Variants in QTMAN observed in about 807,000 individuals in gnomAD.
QTMAN encodes queuosine-tRNA mannosyltransferase.
the QTMAN span, chr2:144,007,536 C>A: frequency 6.5e-7 from 1 of 1,538,234 alleles, no homozygotes; most frequent in South Asian, 1.3e-5. Context: ...GGGCATGAAT[C>A]TGTTACAAAA....
the QTMAN span, among the ~76,000 whole-genome samples, chr2:144,326,704 C>T: frequency 1.3e-5 from 2 of 151,448 alleles, no homozygotes; most frequent in South Asian, 4.2e-4. Context: ...ACACTGATAA[C>T]AGAACTTATT....
the QTMAN span, among the ~76,000 whole-genome samples, chr2:144,296,907 T>C: frequency 6.6e-6 from 1 of 152,172 alleles, no homozygotes; most frequent in African/African-American, 2.4e-5. Context: ...GAGTATAAAC[T>C]TCAAAGAATG....
At chr2:143,969,544 CT>C in the QTMAN span, among the ~76,000 whole-genome samples, 1 of 152,128 alleles carries the variant, frequency 6.6e-6, no homozygotes, top group South Asian at 2.1e-4. Context: ...GCCATGTGTG[CT>C]TGTGTGCATA....
chr2:144,120,037 G>T, the QTMAN span, among the ~76,000 whole-genome samples: 1 of 152,070 alleles, frequency 6.6e-6, no homozygotes, highest in Non-Finnish European at 1.5e-5. Flanking sequence ...GATAGTGAAG[G>T]GTTGGAAAGA....
chr2:144,248,776 T>TA, the QTMAN span, among the ~76,000 whole-genome samples: 1 of 151,980 alleles, frequency 6.6e-6, no homozygotes, highest in Non-Finnish European at 1.5e-5. Flanking sequence ...TATTGACTGA[T>TA]TAGTTTTGAG....
the QTMAN span, among the ~76,000 whole-genome samples, chr2:144,051,489 C>T: frequency 6.6e-6 from 1 of 152,106 alleles, no homozygotes; most frequent in African/African-American, 2.4e-5. Context: ...TACTAAACTC[C>T]AGCCTGAGTG....
the QTMAN span, chr2:144,295,325 G>A: frequency 1.3e-5 from 2 of 152,186 alleles, no homozygotes. Flanking sequence ...ATATCCCTCT[G>A]CTAGAGATAG....
the QTMAN span, among the ~76,000 whole-genome samples, chr2:144,059,731 C>G: frequency 6.6e-6 from 1 of 152,096 alleles, no homozygotes; most frequent in African/African-American, 2.4e-5. Flanking sequence ...AACAGCTTTG[C>G]CTCCTATACC....
the QTMAN span, among the ~76,000 whole-genome samples, chr2:144,065,458 A>T: frequency 3.3e-5 from 5 of 152,164 alleles, no homozygotes; most frequent in Admixed American, 2.6e-4. Flanking sequence ...TACATGTAGG[A>T]GATTTTTTAG....
At chr2:144,332,932 C>T in the QTMAN span, among the ~76,000 whole-genome samples, 21 of 152,204 alleles carry the variant, frequency 1.4e-4, no homozygotes, top group Non-Finnish European at 1.5e-5. Flanking sequence ...CTCGGATTCC[C>T]CGTGCAGTTT....
the QTMAN span, among the ~76,000 whole-genome samples, chr2:144,032,658 G>A: frequency 6.6e-6 from 1 of 152,196 alleles, no homozygotes; most frequent in Non-Finnish European, 1.5e-5. Flanking sequence ...AACTGGAGAA[G>A]AAGTACATAA....
chr2:144,226,181 TGTGA>T, the QTMAN span, among the ~76,000 whole-genome samples: 2 of 152,160 alleles, frequency 1.3e-5, no homozygotes, highest in South Asian at 2.1e-4. Context: ...AAAAATAAAG[TGTGA>T]GTGTTTATTG....
At chr2:143,993,424 G>A in the QTMAN span, among the ~76,000 whole-genome samples, 7,893 of 151,800 alleles carry the variant, frequency 0.052, 339 homozygotes, top group African/African-American at 0.11. Flanking sequence ...AAGGGGGGGG[G>A]ACTTTGCAGA....
the QTMAN span, among the ~76,000 whole-genome samples, chr2:144,057,247 T>A: frequency 6.6e-6 from 1 of 152,244 alleles, no homozygotes; most frequent in East Asian, 1.9e-4. Context: ...AAACTCACTT[T>A]TAATACATTG....
At chr2:144,306,777 T>C in the QTMAN span, among the ~76,000 whole-genome samples, 5 of 152,072 alleles carry the variant, frequency 3.3e-5, no homozygotes, top group Admixed American at 1.3e-4. Flanking sequence ...TAAAACTCCA[T>C]GAAAAAATGG....
the QTMAN span, chr2:143,957,140 T>G: frequency 7.1e-7 from 1 of 1,399,574 alleles, no homozygotes; most frequent in East Asian, 2.4e-5. Context: ...CGAACACACA[T>G]AGTAAAACTG....
the QTMAN span, among the ~76,000 whole-genome samples, chr2:144,324,223 A>G: frequency 6.6e-6 from 1 of 152,240 alleles, no homozygotes; most frequent in African/African-American, 2.4e-5. Flanking sequence ...TTGTATATAA[A>G]TAAACTGATA....
chr2:144,104,334 G>A, the QTMAN span, among the ~76,000 whole-genome samples: 1 of 152,194 alleles, frequency 6.6e-6, no homozygotes, highest in African/African-American at 2.4e-5. Context: ...GAAGTGCAAG[G>A]GGTCAGGGAA....
chr2:144,019,301 TACAAGGATAA>T, the QTMAN span, among the ~76,000 whole-genome samples: 4 of 152,030 alleles, frequency 2.6e-5, no homozygotes, highest in Non-Finnish European at 4.4e-5. Context: ...GGCATAGGCA[TACAAGGATAA>T]AATGAAAAAC....
Sources: gnomAD v4.1 joint callset for allele counts (sites outside exome capture counted in the v4.1 genomes callset) on GRCh38, gnomAD v4.1.1 for gene constraint, MANE v1.5 for transcripts, NCBI Gene and HGNC (gene_info 2026-07-23, HGNC 2026-07-21) for gene names.